The following CDH8 variants were observed in gnomAD, a reference collection of about 807,000 sequenced individuals.
The protein encoded by CDH8 is cadherin 8.
A neutral mutation model predicts 68.1 loss-of-function variants in CDH8; 17 were observed. The observed-to-expected ratio is 0.25, with a 90% CI of 0.17 to 0.37. The LOEUF (loss-of-function observed/expected upper bound fraction) is 0.37, where lower values mean the gene tolerates loss of function less well. CDH8 is among the 10% of genes least tolerant of loss of function. The pLI is 1.00. For synonymous variants in CDH8, 372 were observed against 365.1 expected, an observed-to-expected ratio of 1.02 and a Z score of -0.21; for missense variants, 763 against 999.3, an observed-to-expected ratio of 0.76 and a Z score of 3.19.
At chr16:62,013,632 C>G (rs993796039) in intron 2 of CDH8, among the ~76,000 whole-genome samples, 4 of 152,076 alleles carry the variant, frequency 2.6e-5, no homozygotes, top group Admixed American at 2.0e-4. Context: ...TAAGTTGCAA[C>G]CACACTCTTA....
intron 2 of CDH8, chr16:61,940,778 A>C (rs972347898): frequency 6.6e-6 from 1 of 152,208 alleles, no homozygotes; most frequent in African/African-American, 2.4e-5. Flanking sequence ...TGATGTAATC[A>C]TGTCTGGCTG....
At chr16:61,666,206 GTATATATA>G (rs57098637) in intron 10 of CDH8, among the ~76,000 whole-genome samples, 3 of 145,496 alleles carry the variant, frequency 2.1e-5, no homozygotes, top group Admixed American at 6.9e-5. Flanking sequence ...GTGTGTGTGT[GTATATATA>G]TATATATGTA....
At chr16:61,829,490 A>G (rs1380763645) in intron 4 of CDH8, among the ~76,000 whole-genome samples, 2 of 151,866 alleles carry the variant, frequency 1.3e-5, no homozygotes, top group East Asian at 1.9e-4. Flanking sequence ...ACAGACATCT[A>G]TAGTTCAAAA....
chr16:62,020,729 T>G (rs1041945093), intron 2 of CDH8, among the ~76,000 whole-genome samples: 1 of 152,166 alleles, frequency 6.6e-6, no homozygotes, highest in Non-Finnish European at 1.5e-5. Flanking sequence ...ATTAGATATA[T>G]CTGCATAGCC....
chr16:61,845,146 T>C (rs1249352110), intron 4 of CDH8, among the ~76,000 whole-genome samples: 3 of 152,180 alleles, frequency 2.0e-5, no homozygotes, highest in Non-Finnish European at 4.4e-5. Context: ...ACATAGTAAG[T>C]CTTTTCTATC....
intron 8 of CDH8, among the ~76,000 whole-genome samples, chr16:61,742,876 T>C (rs1330983496): frequency 1.3e-5 from 2 of 152,178 alleles, no homozygotes; most frequent in African/African-American, 4.8e-5. Context: ...TATCGGTGAG[T>C]TCATTTGAGC....
chr16:61,848,673 G>C (rs1396514927), intron 4 of CDH8, among the ~76,000 whole-genome samples: 1 of 152,056 alleles, frequency 6.6e-6, no homozygotes, highest in Non-Finnish European at 1.5e-5. Flanking sequence ...ATAAAAACTG[G>C]AGAAGGATGA....
chr16:61,684,873 G>A (rs1964078435), intron 10 of CDH8, among the ~76,000 whole-genome samples: 1 of 151,836 alleles, frequency 6.6e-6, no homozygotes, highest in Admixed American at 6.6e-5. Context: ...CCTTTAATTT[G>A]GCCTCTTTTG....
Position 61,892,775 on chromosome 16 carries a change from G to C in CDH8, c.547+8404C>G, listed in dbSNP as rs143771056. ...GACAGTAGATAAATACTTGTGGGGG[G>C]AGTAAGGCGATGGATGAGGTAGCAA... is the stretch of plus-strand genomic sequence containing the variant. On this transcript the variant is annotated intron_variant, in intron 3 of 11. Transcript: ENST00000577390. Among the ~76,000 whole-genome samples, 766 of 152,220 alleles carry C rather than the reference G, an allele frequency of 5.0e-3. 3 individuals carry two copies. The highest frequency in any genetic ancestry group is 0.01 in the Middle Eastern group (3 of 292).
At chr16:61,767,800 G>T (rs1960631347) in intron 8 of CDH8, among the ~76,000 whole-genome samples, 1 of 151,878 alleles carries the variant, frequency 6.6e-6, no homozygotes, top group Non-Finnish European at 1.5e-5. Flanking sequence ...AAGCTAATTT[G>T]TTAAGTTACA....
chr16:61,987,684 T>A (rs1015845947), intron 2 of CDH8, among the ~76,000 whole-genome samples: 3 of 152,108 alleles, frequency 2.0e-5, no homozygotes, highest in African/African-American at 7.2e-5. Context: ...CATGACAATA[T>A]GATGTCAAAA....
chr16:61,755,792 CCTT>C (rs921608259), intron 8 of CDH8, among the ~76,000 whole-genome samples: 9 of 148,414 alleles, frequency 6.1e-5, no homozygotes, highest in East Asian at 2.0e-4. Context: ...TCCTTCTCCG[CCTT>C]CTTCTTCTTC....
At chr16:61,994,587 A>T (rs2150591965) in intron 2 of CDH8, among the ~76,000 whole-genome samples, 1 of 152,330 alleles carries the variant, frequency 6.6e-6, no homozygotes, top group East Asian at 1.9e-4. Flanking sequence ...AACAGCTACC[A>T]AAATAAAACT....
chr16:61,999,540 C>T lies in CDH8; in HGVS notation c.252+21612G>A, dbSNP rs150582155. On this transcript the variant is annotated intron_variant, in intron 2 of 11. Coordinates refer to ENST00000577390, the MANE Select transcript of CDH8 (RefSeq NM_001796.5). ...AGTCTTCGCAATGCTGGAAAATTTA[C>T]CTAACCTCTTGCAGTGTATCAGTTT... Among the ~76,000 whole-genome samples, 698 of 152,248 alleles carry T rather than the reference C, an allele frequency of 4.6e-3. 7 individuals are homozygous for T. The highest frequency in any genetic ancestry group is 0.015 in the African/African-American group (609 of 41,534).
chr16:61,714,194 T>G (rs925279457), intron 9 of CDH8: 1 of 466,868 alleles, frequency 2.1e-6, no homozygotes, highest in South Asian at 2.7e-5. Context: ...GTCCATTTGG[T>G]GTCTGTGGCT....
intron 8 of CDH8, among the ~76,000 whole-genome samples, chr16:61,775,388 A>G (rs1188697815): frequency 6.6e-6 from 1 of 152,096 alleles, no homozygotes; most frequent in Non-Finnish European, 1.5e-5. Context: ...GGAAACTACA[A>G]ATCAATATCC....
chr16:61,721,494 A>G (rs1046991189), intron 9 of CDH8, among the ~76,000 whole-genome samples: 3 of 150,818 alleles, frequency 2.0e-5, no homozygotes, highest in African/African-American at 7.3e-5. Context: ...CACAGAAACT[A>G]GACAAAAAAA....
chr16:61,964,261 A>C (rs2150573223), intron 2 of CDH8, among the ~76,000 whole-genome samples: 1 of 152,314 alleles, frequency 6.6e-6, no homozygotes, highest in Non-Finnish European at 1.5e-5. Context: ...GTAAGATAAT[A>C]ACCTACCCAA....
intron 2 of CDH8, among the ~76,000 whole-genome samples, chr16:62,000,032 A>G (rs1450443819): frequency 1.3e-5 from 2 of 150,614 alleles, no homozygotes; most frequent in Non-Finnish European, 3.0e-5. Context: ...TCATTGTTCA[A>G]CTCCCACTTA....
Sources: allele counts gnomAD v4.1 joint callset (sites outside exome capture counted in the v4.1 genomes callset), GRCh38; gene constraint gnomAD v4.1.1; transcripts MANE v1.5; gene names NCBI Gene and HGNC (gene_info 2026-07-23, HGNC 2026-07-21).